Variants in AVEN observed in about 807,000 individuals in gnomAD.
AVEN encodes apoptosis and caspase activation inhibitor.
AVEN carries 41 observed loss-of-function variants against 38.1 expected under a neutral mutation model. The observed-to-expected ratio is 1.08, with a 90% CI of 0.84 to 1.40. AVEN has a LOEUF of 1.40. AVEN is among the 40% of genes most tolerant of loss of function. AVEN has a pLI of 0.00. For missense variants in AVEN, 605 were observed against 438.8 expected, an observed-to-expected ratio of 1.38 and a Z score of -3.38; for synonymous variants, 206 against 171.8, an observed-to-expected ratio of 1.20 and a Z score of -1.56.
intron 5 of AVEN, among the ~76,000 whole-genome samples, chr15:34,051,832 T>C (rs1218807571): frequency 1.3e-5 from 2 of 151,784 alleles, no homozygotes; most frequent in African/African-American, 2.4e-5. Context: ...AGTTCTGAAA[T>C]TGAGGCACTA....
At chr15:33,853,027 T>C in the AVEN span, 1 of 1,599,740 alleles carries the variant, frequency 6.3e-7, no homozygotes, top group South Asian at 1.1e-5. Flanking sequence ...AACCAACCTT[T>C]TTCGTTTTGT....
intron 2 of AVEN, among the ~76,000 whole-genome samples, chr15:33,960,254 A>T (rs7161966): frequency 0.28 from 42,195 of 152,090 alleles, 7,921 homozygotes; most frequent in African/African-American, 0.53. Context: ...TAGAATTTTA[A>T]ATGTCACGTC....
chr15:33,908,954 G>A (rs1892815206), intron 2 of AVEN, among the ~76,000 whole-genome samples: 1 of 152,170 alleles, frequency 6.6e-6, no homozygotes, highest in African/African-American at 2.4e-5. Context: ...TCCTTCACAT[G>A]ATTTTTGCTG....
At chr15:33,997,239 G>A (rs1896971564) in intron 2 of AVEN, among the ~76,000 whole-genome samples, 1 of 152,126 alleles carries the variant, frequency 6.6e-6, no homozygotes, top group Non-Finnish European at 1.5e-5. Flanking sequence ...ACACACTATA[G>A]AAGTGAATCT....
At chr15:34,055,530 A>G (rs538592264) in intron 5 of AVEN, among the ~76,000 whole-genome samples, 1 of 151,110 alleles carries the variant, frequency 6.6e-6, no homozygotes, top group South Asian at 2.1e-4. Context: ...GGCTGGGCAC[A>G]GTGGCTCATG....
intron 2 of AVEN, among the ~76,000 whole-genome samples, chr15:33,915,040 G>A (rs541163672): frequency 6.6e-6 from 1 of 152,192 alleles, no homozygotes; most frequent in Non-Finnish European, 1.5e-5. Flanking sequence ...AAATGATGGG[G>A]AACATGTCAC....
upstream of AVEN, among the ~76,000 whole-genome samples, chr15:34,042,244 A>G (rs1318612821): frequency 6.6e-6 from 1 of 152,226 alleles, no homozygotes; most frequent in African/African-American, 2.4e-5. Flanking sequence ...GATTTTAAAC[A>G]TATGCCATTG....
chr15:33,854,110 C>T (rs1020176534), downstream of AVEN, among the ~76,000 whole-genome samples: 3 of 151,290 alleles, frequency 2.0e-5, no homozygotes, highest in Non-Finnish European at 2.9e-5. Flanking sequence ...GCAGGAGAAC[C>T]GCTTGAACCT....
chr15:34,025,760 GTGTGTGTGTGTT>G (rs11271927), intron 1 of AVEN, among the ~76,000 whole-genome samples: 2 of 151,644 alleles, frequency 1.3e-5, no homozygotes, highest in African/African-American at 4.8e-5. Flanking sequence ...GGTTTTGCGT[GTGTGTGTGTGTT>G]TGTGTGTGTG....
At chr15:34,033,929 A>G (rs1459929947) in intron 1 of AVEN, among the ~76,000 whole-genome samples, 1 of 152,128 alleles carries the variant, frequency 6.6e-6, no homozygotes, top group Non-Finnish European at 1.5e-5. Flanking sequence ...CTGGGATTAC[A>G]GGTGCGCGCC....
At chr15:34,051,415 C>T (rs933502348) in intron 5 of AVEN, among the ~76,000 whole-genome samples, 4 of 152,178 alleles carry the variant, frequency 2.6e-5, no homozygotes, top group African/African-American at 4.8e-5. Context: ...AAAAACCTAA[C>T]ATCACAACAA....
At chr15:34,043,410 T>C (rs1899559515), upstream of AVEN, among the ~76,000 whole-genome samples, 1 of 152,232 alleles carries the variant, frequency 6.6e-6, no homozygotes. Context: ...GCAGATTTTC[T>C]ATAGTTTAGC....
chr15:33,915,353 T>G (rs560781290), intron 2 of AVEN, among the ~76,000 whole-genome samples: 1 of 152,056 alleles, frequency 6.6e-6, no homozygotes, highest in South Asian at 2.1e-4. Context: ...GTGCCCAGAG[T>G]GTGAAAGTGT....
chr15:33,881,647 ATTC>A (rs1180330781), intron 2 of AVEN, among the ~76,000 whole-genome samples: 4 of 152,248 alleles, frequency 2.6e-5, no homozygotes, highest in South Asian at 4.1e-4. Flanking sequence ...TATTACCAAA[ATTC>A]TTCTGCGTTG....
At chr15:34,017,045 C>CA (rs1331055965) in intron 1 of AVEN, among the ~76,000 whole-genome samples, 1 of 151,796 alleles carries the variant, frequency 6.6e-6, no homozygotes, top group Non-Finnish European at 1.5e-5. Flanking sequence ...GTGGGAGGAT[C>CA]ACCTCAGCCT....
chr15:33,935,328 T>A (rs1352306493), intron 2 of AVEN, among the ~76,000 whole-genome samples: 4 of 152,210 alleles, frequency 2.6e-5, no homozygotes, highest in Non-Finnish European at 5.9e-5. Context: ...TGTATATACA[T>A]GTGTATTCAC....
At chr15:33,990,549 C>A (rs1896677267) in intron 2 of AVEN, 1 of 152,190 alleles carries the variant, frequency 6.6e-6, no homozygotes. Context: ...TAAGCCATGT[C>A]CAGTATAACT....
downstream of AVEN, chr15:33,865,032 A>C (rs1890005539): frequency 1.2e-6 from 1 of 811,562 alleles, no homozygotes; most frequent in African/African-American, 1.7e-5. Flanking sequence ...ATAAATTCAC[A>C]TCAGTCTTCC....
At chr15:33,880,456 G>A (rs1891437185) in intron 2 of AVEN, among the ~76,000 whole-genome samples, 1 of 152,186 alleles carries the variant, frequency 6.6e-6, no homozygotes, top group Admixed American at 6.5e-5. Flanking sequence ...GCCAATGGAT[G>A]AGGAAGAGTC....
Sources: allele counts gnomAD v4.1 joint callset (sites outside exome capture counted in the v4.1 genomes callset), GRCh38; gene constraint gnomAD v4.1.1; transcripts MANE v1.5; gene names NCBI Gene and HGNC (gene_info 2026-07-23, HGNC 2026-07-21).